Variants in SNX4 observed in about 807,000 individuals in gnomAD.
The protein encoded by SNX4 is sorting nexin 4, also known as sorting nexin-4.
Under a neutral mutation model 70.8 loss-of-function variants are expected in SNX4, and 49 were observed. That is an observed-to-expected ratio of 0.69 (90% CI 0.55 to 0.88). The LOEUF (loss-of-function observed/expected upper bound fraction) is 0.88, where lower values mean the gene tolerates loss of function less well. Ranked by LOEUF, SNX4 falls within the 40% of genes least tolerant of loss-of-function variation. SNX4 has a pLI of 0.00. For missense variants in SNX4, 528 were observed against 544.8 expected, an observed-to-expected ratio of 0.97 and a Z score of 0.31; for synonymous variants, 206 against 183.8, an observed-to-expected ratio of 1.12 and a Z score of -0.98.
intron 9 of SNX4, among the ~76,000 whole-genome samples, chr3:125,465,863 A>C (rs921810679): frequency 2.6e-5 from 4 of 152,032 alleles, no homozygotes; most frequent in African/African-American, 9.7e-5. Flanking sequence ...GCCTGGTCTC[A>C]AACTCCTGAC....
chr3:125,498,448 T>C lies in SNX4; in HGVS notation c.264-254A>G, dbSNP rs562888116. Among the ~76,000 whole-genome samples, 9 of 152,272 alleles carry C rather than the reference T, an allele frequency of 5.9e-5. No individual in the cohort carries two copies. The East Asian group carries it at 1.7e-3, about 29-fold the overall frequency. On this transcript the variant is annotated intron_variant, in intron 2 of 13. Coordinates refer to ENST00000251775, the MANE Select transcript of SNX4 (RefSeq NM_003794.4). ...AATCCTCCCACCTCAGCCTCCTGAG[T>C]AGCTGGGACCACAGGCACATGTCAC... is the stretch of plus-strand genomic sequence containing the variant.
At position 125,452,294 on chromosome 3, in the gene SNX4, C is replaced by T. The variant is rs142399778; in HGVS notation, c.1191-875G>A. 9.5e-4 allele frequency among the ~76,000 whole-genome samples: 145 copies of T among 152,224 alleles called. 1 individual carries two copies. Among genetic ancestry groups the T allele is most frequent in the African/African-American group, 3.4e-3 (140 of 41,544 alleles). ...TATTTTTAGTAGAGACAAGGTTTCACCATGTTGGCCAGGCTGGTCTTGAAC... is the reference window on the plus strand; with the variant it reads ...TATTTTTAGTAGAGACAAGGTTTCATCATGTTGGCCAGGCTGGTCTTGAAC... On this transcript the variant is annotated intron_variant, in intron 12 of 13. Transcript: ENST00000251775.
intron 9 of SNX4, among the ~76,000 whole-genome samples, chr3:125,465,131 G>A (rs559699821): frequency 5.3e-4 from 81 of 152,044 alleles, no homozygotes; most frequent in South Asian, 2.3e-3. Context: ...ATCTACTCAC[G>A]TTTGCCTGCC....
chr3:125,511,895 A>T (rs891494644), intron 1 of SNX4, among the ~76,000 whole-genome samples: 3 of 152,144 alleles, frequency 2.0e-5, no homozygotes. Flanking sequence ...CAAAAATATG[A>T]ATCAGGAATG....
rs1933456894 is a variant in SNX4, at chr3:125,447,650, TAAAG to T, written c.*125_*128del. 1.6e-6 allele frequency: 1 copy of T among 612,938 alleles called. No homozygotes were observed. Among genetic ancestry groups the T allele is most frequent in the Admixed American group, 3.3e-5 (1 of 30,226 alleles). The allele number at this position is 612,938 out of a possible 1,614,324, so 38.0% of individuals were successfully genotyped here. On this transcript the variant is annotated 3_prime_UTR_variant, in exon 14 of 14. Coordinates refer to ENST00000251775, the MANE Select transcript of SNX4 (RefSeq NM_003794.4). ...TACATTAACACGACCACAATTAAGT[TAAAG>T]AAAGCTGAATTTATTTAACTTATTG...
At chr3:125,519,988 G>A (rs1455523553) in intron 1 of SNX4, 44 bp downstream of exon 1, 3 of 1,335,426 alleles carry the variant, frequency 2.2e-6, no homozygotes, top group Non-Finnish European at 3.0e-6. Flanking sequence ...GGCCCGCTAG[G>A]CCACCACACA....
chr3:125,504,811 A>G lies in SNX4; in HGVS notation c.142-67T>C, dbSNP rs1935012235. 5 of 1,529,216 alleles carry G rather than the reference A, an allele frequency of 3.3e-6. No homozygotes were observed. The East Asian group carries it at 1.2e-4, about 35-fold the overall frequency. The allele number at this position is 1,529,216 out of a possible 1,614,324, so 94.7% of individuals were successfully genotyped here. ...TTAAGATGGTACTGAAAAAAGCCTC[A>G]GCTATATAAATTAAACCCATTATTG... On this transcript the variant is annotated intron_variant, in intron 1 of 13. Coordinates refer to ENST00000251775, the MANE Select transcript of SNX4 (RefSeq NM_003794.4).
chr3:125,503,181 AC>A (rs1430405024), intron 2 of SNX4, among the ~76,000 whole-genome samples: 8 of 152,190 alleles, frequency 5.3e-5, no homozygotes, highest in Non-Finnish European at 1.0e-4. Flanking sequence ...TGCGGAGATT[AC>A]AGGCATGAGC....
intron 6 of SNX4, among the ~76,000 whole-genome samples, chr3:125,485,367 G>A (rs1934499338): frequency 6.6e-6 from 1 of 151,918 alleles, no homozygotes; most frequent in Non-Finnish European, 1.5e-5. Context: ...GCACAATCTC[G>A]ACTCACTGCA....
In SNX4 at chr3:125,486,434, T is replaced by C. The variant is rs563541281; in HGVS notation, c.653+2974A>G. On this transcript the variant is annotated intron_variant, in intron 6 of 13. Transcript: ENST00000251775. ...ACTTCTACTATGCAATGTAGCACAG[T>C]ACATGAGTGGTTAGTATTGTTTATT... Among the ~76,000 whole-genome samples the C allele has an allele frequency of 2.6e-5, 4 of 152,248 alleles. No individual in the cohort carries two copies. In the South Asian group the frequency reaches 8.3e-4, roughly 32 times the overall value.
At chr3:125,507,818 C>G (rs1935082159) in intron 1 of SNX4, among the ~76,000 whole-genome samples, 1 of 151,922 alleles carries the variant, frequency 6.6e-6, no homozygotes, top group Non-Finnish European at 1.5e-5. Context: ...TTTCCAGAGG[C>G]AGGAGAATCG....
rs2107540807 is a variant in SNX4, at chr3:125,474,467, G to A, written c.788+2228C>T. ...CAAGCAGCTAGGACTATAGGCATGT[G>A]CCACCATGCCTAATTTTTAAACTAT... On this transcript the variant is annotated intron_variant, in intron 8 of 13. Coordinates refer to ENST00000251775, the MANE Select transcript of SNX4 (RefSeq NM_003794.4). Among the ~76,000 whole-genome samples the A allele has an allele frequency of 2.6e-5, 4 of 151,674 alleles. No homozygotes were observed. In the South Asian group the frequency reaches 8.3e-4, roughly 31 times the overall value.
intron 1 of SNX4, among the ~76,000 whole-genome samples, chr3:125,509,079 T>A (rs1164431441): frequency 6.6e-6 from 1 of 151,942 alleles, no homozygotes; most frequent in Admixed American, 6.6e-5. Flanking sequence ...ATGCCTGTAA[T>A]CTCAGCACTT....
intron 7 of SNX4, among the ~76,000 whole-genome samples, chr3:125,477,585 C>T (rs1471016411): frequency 1.3e-5 from 2 of 152,160 alleles, no homozygotes; most frequent in East Asian, 3.8e-4. Context: ...AATTAGCTCC[C>T]TGATTCCTTA....
At chr3:125,464,759 T>C (rs1419113665) in intron 9 of SNX4, among the ~76,000 whole-genome samples, 1 of 151,776 alleles carries the variant, frequency 6.6e-6, no homozygotes, top group African/African-American at 2.4e-5. Flanking sequence ...TTTGGTTTTT[T>C]TGAGACAAAG....
intron 1 of SNX4, among the ~76,000 whole-genome samples, chr3:125,506,817 T>TGAAAAAAAA (rs199752160): frequency 2.2e-4 from 6 of 26,820 alleles, no homozygotes; most frequent in African/African-American, 5.8e-4. Context: ...GTGGAGAAAG[T>TGAAAAAAAA]AAAAAAAAAA....
At chr3:125,501,881 C>T (rs981642217) in intron 2 of SNX4, among the ~76,000 whole-genome samples, 1 of 152,190 alleles carries the variant, frequency 6.6e-6, no homozygotes, top group Non-Finnish European at 1.5e-5. Flanking sequence ...CACAGTCTAG[C>T]TATTACTGAT....
chr3:125,496,521 T>C (rs1273992932), intron 5 of SNX4, among the ~76,000 whole-genome samples: 4 of 152,198 alleles, frequency 2.6e-5, no homozygotes, highest in Non-Finnish European at 5.9e-5. Flanking sequence ...TGTATTATCA[T>C]GTGAGTCATT....
intron 9 of SNX4, among the ~76,000 whole-genome samples, chr3:125,464,993 C>G (rs1233331465): frequency 6.6e-6 from 1 of 152,044 alleles, no homozygotes; most frequent in Non-Finnish European, 1.5e-5. Context: ...AATCCACCCA[C>G]CTTGGCCTCC....
Sources: allele counts gnomAD v4.1 joint callset (sites outside exome capture counted in the v4.1 genomes callset), GRCh38; gene constraint gnomAD v4.1.1; transcripts MANE v1.5; gene names NCBI Gene and HGNC (gene_info 2026-07-23, HGNC 2026-07-21).